The following BRD9 variants were observed in gnomAD, a reference collection of about 807,000 sequenced individuals.
The protein encoded by BRD9 is bromodomain-containing protein 9.
Under a neutral mutation model 68.7 loss-of-function variants are expected in BRD9, and 47 were observed. The observed-to-expected ratio is 0.68, with a 90% CI of 0.54 to 0.87. BRD9 has a LOEUF of 0.87. Ranked by LOEUF, BRD9 falls within the 40% of genes least tolerant of loss-of-function variation. BRD9 has a pLI of 0.00. For missense variants in BRD9, 670 were observed against 748.4 expected (o/e 0.90, Z 1.22); for synonymous variants, 313 against 293.9 (o/e 1.06, Z -0.67).
chr5:870,564 G>A lies in BRD9; in HGVS notation c.1434C>T (p.Thr478=). The stretch of plus-strand genomic sequence containing the variant: ...GAACAGAGCTGCTGCTGTCTCCTAG[G>A]GTGTCCCCAACCTGTGGAGACAGAC... ...KPPDEAKVGD[T]LGDSSSSVLE... The change falls in exon 14 of 16, where the codon ACC becomes ACT. Residue 478 remains threonine (T), a synonymous_variant. Coordinates refer to ENST00000467963, the MANE Select transcript of BRD9 (RefSeq NM_023924.5). The A allele has an allele frequency of 1.9e-6, 3 of 1,613,716 alleles. No individual in the cohort carries two copies. Among genetic ancestry groups the A allele is most frequent in the Non-Finnish European group, 2.5e-6 (3 of 1,179,766 alleles).
At chr5:884,135 C>T (rs1560920101) in intron 7 of BRD9, 65 bp from the exon 8 acceptor site, 2 of 1,581,092 alleles carry the variant, frequency 1.3e-6, no homozygotes, top group African/African-American at 1.3e-5. Context: ...GCTCCCCATG[C>T]GTCGGCACCT....
Position 891,401 on chromosome 5 carries a change from C to T in BRD9, c.268-114G>A, listed in dbSNP as rs1238994086. On this transcript the variant is annotated intron_variant, in intron 2 of 15. Transcript: ENST00000467963. ...GGACAGAACTAAGGGAAACCCCCTC[C>T]GAGATCCTCCTCATGCCAGGCTCCC... The T allele has an allele frequency of 2.1e-6, 3 of 1,426,416 alleles. No individual in the cohort carries two copies. In the African/African-American group the frequency reaches 4.3e-5, roughly 21 times the overall value. 88.4% of individuals were successfully genotyped at this position (1,426,416 alleles called of 1,614,324 possible).
rs776150641 is a variant in BRD9, at chr5:891,247, G to A, written c.308C>T (p.Thr103Met). Residue 103 changes from threonine (T) to methionine (M), a missense_variant, in exon 3 of 16, where the codon ACG (threonine) becomes ATG (methionine). Thr to Met is a moderately conservative substitution (Grantham distance 81, BLOSUM62 -1). Around this residue, in one of 5 missense-constraint regions of BRD9, gnomAD observed 161 missense variants for 148.1 expected, o/e 1.09. Coordinates refer to ENST00000467963, the MANE Select transcript of BRD9 (RefSeq NM_023924.5). ...ATCAAAGTCGTCAGCCTCTCCCTCC[G>A]TGTCACAGTGCTCCCTCTCTCGCTT... Reference protein sequence around the residue: ...KRKREREHCDTEGEADDFDPG... With the variant: ...KRKREREHCDMEGEADDFDPG... 5 of 1,551,662 alleles carry A rather than the reference G, an allele frequency of 3.2e-6. No individual in the cohort carries two copies. Among genetic ancestry groups the A allele is most frequent in the African/African-American group, 2.7e-5 (2 of 73,020 alleles).
chr5:889,965 C>T, intron 3 of BRD9: 1 of 364,162 alleles, frequency 2.7e-6, no homozygotes, highest in Non-Finnish European at 5.4e-6. Flanking sequence ...ACGGAACAAA[C>T]GCTCTGGACA....
intron 12 of BRD9, among the ~76,000 whole-genome samples, chr5:875,209 C>A (rs1472567513): frequency 6.6e-6 from 1 of 152,208 alleles, no homozygotes; most frequent in Non-Finnish European, 1.5e-5. Context: ...CTTCTTCTTC[C>A]TTTTCTTTTC....
chr5:870,083 G>C (rs1395388502), intron 14 of BRD9, among the ~76,000 whole-genome samples: 2 of 152,224 alleles, frequency 1.3e-5, no homozygotes, highest in Non-Finnish European at 2.9e-5. Flanking sequence ...GATGCAGAGG[G>C]GACCCGTGGG....
At chr5:888,492 A>G (rs1752889966) in intron 5 of BRD9, 1 of 152,288 alleles carries the variant, frequency 6.6e-6, no homozygotes, top group Non-Finnish European at 1.5e-5. Flanking sequence ...TCTAAACTAC[A>G]CTAATGCCAA....
chr5:888,938 T>C (rs906839645), intron 5 of BRD9, 83 bp downstream of exon 5: 1 of 1,399,000 alleles, frequency 7.1e-7, no homozygotes, highest in Non-Finnish European at 9.7e-7. Flanking sequence ...AAACTAGAAA[T>C]GATCTAAGGT....
chr5:883,255 A>T, intron 8 of BRD9: 1 of 445,860 alleles, frequency 2.2e-6, no homozygotes, highest in Non-Finnish European at 4.5e-6. Flanking sequence ...TATGAAAAAA[A>T]CCCATAAAGC....
At chr5:877,803 G>A (rs1751174502) in intron 11 of BRD9, among the ~76,000 whole-genome samples, 1 of 152,178 alleles carries the variant, frequency 6.6e-6, no homozygotes, top group Non-Finnish European at 1.5e-5. Context: ...GGTAACTGCA[G>A]TGACATGAGG....
chr5:883,070 C>G, intron 8 of BRD9: 6 of 353,150 alleles, frequency 1.7e-5, no homozygotes, highest in South Asian at 1.3e-4. Context: ...ACGTGAGCCA[C>G]GCAGACCACG....
chr5:892,069 G>C (rs182821246), intron 1 of BRD9: 3 of 691,324 alleles, frequency 4.3e-6, no homozygotes, highest in African/African-American at 3.6e-5. Flanking sequence ...GGTCCCTTTC[G>C]AGCCACGGTG....
chr5:882,751 G>A (rs570372740), intron 8 of BRD9, among the ~76,000 whole-genome samples: 8 of 145,538 alleles, frequency 5.5e-5, no homozygotes, highest in Admixed American at 4.1e-4. Flanking sequence ...CGCAAGCCAC[G>A]CAAACTGCAA....
chr5:871,675 C>A (rs538403152), intron 12 of BRD9, 111 bp from the exon 13 acceptor site: 6 of 1,010,604 alleles, frequency 5.9e-6, no homozygotes, highest in Non-Finnish European at 7.8e-6. Context: ...TCTGCGAATT[C>A]TGCTCCCCAG....
chr5:888,991 C>T (rs777635239), intron 5 of BRD9, 30 bp downstream of exon 5: 6 of 1,596,710 alleles, frequency 3.8e-6, no homozygotes, highest in Admixed American at 3.5e-5. Context: ...AACTATGCCA[C>T]GATTACTTCG....
chr5:865,064 AC>A (rs1356437841), intron 15 of BRD9, among the ~76,000 whole-genome samples: 1 of 152,076 alleles, frequency 6.6e-6, no homozygotes, highest in Admixed American at 6.5e-5. Flanking sequence ...ACAAAACCCC[AC>A]CCACCAAAAC....
chr5:886,135 G>A (rs1035677256), intron 7 of BRD9, among the ~76,000 whole-genome samples: 18 of 152,128 alleles, frequency 1.2e-4, no homozygotes, highest in South Asian at 1.0e-3. Context: ...CCACTCCAGC[G>A]TCTACACAGA....
chr5:869,763 C>T (rs150125552), intron 14 of BRD9, among the ~76,000 whole-genome samples: 6 of 152,352 alleles, frequency 3.9e-5, no homozygotes, highest in Non-Finnish European at 4.4e-5. Flanking sequence ...AATCCACCAA[C>T]GACCCGACAT....
At chr5:871,833 G>T (rs1324585226) in intron 12 of BRD9, among the ~76,000 whole-genome samples, 1 of 152,262 alleles carries the variant, frequency 6.6e-6, no homozygotes, top group East Asian at 1.9e-4. Flanking sequence ...CGGACAGAGA[G>T]AGGACGCCGA....
Sources: allele counts gnomAD v4.1 joint callset (sites outside exome capture counted in the v4.1 genomes callset), GRCh38; gene constraint gnomAD v4.1.1; regional missense constraint gnomAD v4.1.1; transcripts MANE v1.5; gene names NCBI Gene and HGNC (gene_info 2026-07-23, HGNC 2026-07-21).